The following FBRSL1 variants were observed in gnomAD, a reference collection of about 807,000 sequenced individuals.
FBRSL1 encodes fibrosin like 1, also known as fibrosin-1-like protein.
Under a neutral mutation model 89.6 loss-of-function variants are expected in FBRSL1, and 51 were observed. That is an observed-to-expected ratio of 0.57 (90% CI 0.45 to 0.72). The LOEUF (loss-of-function observed/expected upper bound fraction) is 0.72, where lower values mean the gene tolerates loss of function less well. Ranked by LOEUF, FBRSL1 falls within the 30% of genes least tolerant of loss-of-function variation. The pLI is 0.00. For synonymous variants in FBRSL1, 779 were observed against 681.1 expected, an observed-to-expected ratio of 1.14 and a Z score of -2.24; for missense variants, 1,618 against 1,451.8, an observed-to-expected ratio of 1.11 and a Z score of -1.86.
intron 1 of FBRSL1, among the ~76,000 whole-genome samples, chr12:132,494,984 C>T (rs1442556304): frequency 2.0e-5 from 3 of 152,232 alleles, no homozygotes; most frequent in African/African-American, 7.2e-5. Flanking sequence ...GGCCCCCGGC[C>T]TCCCAGGGCT....
intron 16 of FBRSL1, 110 bp downstream of exon 16, chr12:132,581,626 G>C: frequency 6.7e-7 from 1 of 1,484,120 alleles, no homozygotes; most frequent in Admixed American, 2.0e-5. Context: ...GAGCCCCTTG[G>C]GTCATGCAGG....
Position 132,584,030 on chromosome 12 carries a change from T to C in FBRSL1, c.*252T>C, listed in dbSNP as rs2040980529. The stretch of plus-strand genomic sequence containing the variant: ...CCCCACAGATGAGAAGTGTTTGTAA[T>C]GGATTTGTATTTTTCTTAATTTTAT... On this transcript the variant is annotated 3_prime_UTR_variant, in exon 19 of 19. Coordinates refer to ENST00000680143, the MANE Select transcript of FBRSL1 (RefSeq NM_001367871.1). 4.7e-6 allele frequency: 1 copy of C among 212,624 alleles called. No homozygotes were observed. Among genetic ancestry groups the C allele is most frequent in the Admixed American group, 5.9e-5 (1 of 16,914 alleles). 13.2% of individuals were successfully genotyped at this position (212,624 alleles called of 1,614,324 possible).
At chr12:132,501,865 T>C (rs2033013565) in intron 1 of FBRSL1, among the ~76,000 whole-genome samples, 2 of 152,218 alleles carry the variant, frequency 1.3e-5, no homozygotes, top group Non-Finnish European at 2.9e-5. Flanking sequence ...ACTGCCCAGA[T>C]CTCTGCTCAC....
chr12:132,554,092 G>A (rs2038416021), intron 5 of FBRSL1: 7 of 152,260 alleles, frequency 4.6e-5, no homozygotes, highest in Admixed American at 4.6e-4. Flanking sequence ...TCCAGAGAAG[G>A]GGCTCAGAGC....
At position 132,490,852 on chromosome 12, in the gene FBRSL1, G is replaced by T; in HGVS notation, c.282G>T (p.Glu94Asp). 7.1e-7 allele frequency: 1 copy of T among 1,411,134 alleles called. No homozygotes were observed. 87.4% of individuals were successfully genotyped at this position (1,411,134 alleles called of 1,614,324 possible). ...GFAIASFSTLEALEKDMALKP... is the reference protein window; with the variant it reads ...GFAIASFSTLDALEKDMALKP... Reference sequence around the variant, plus strand: ...CCATCGCCAGCTTCAGCACCCTGGAGGCCCTGGAGGTAGGTGGACGGGTGC... The same window carrying T: ...CCATCGCCAGCTTCAGCACCCTGGATGCCCTGGAGGTAGGTGGACGGGTGC... The change falls in exon 1 of 19, where the codon GAG becomes GAT. Residue 94 changes from glutamate to aspartate, a missense_variant. Transcript: ENST00000680143.
chr12:132,507,886 CT>C (rs1432470785), intron 1 of FBRSL1, among the ~76,000 whole-genome samples: 1 of 152,106 alleles, frequency 6.6e-6, no homozygotes, highest in Non-Finnish European at 1.5e-5. Context: ...TTACTGGAGA[CT>C]CCCTGCTGGA....
intron 5 of FBRSL1, among the ~76,000 whole-genome samples, chr12:132,560,632 C>G (rs1424680340): frequency 1.3e-5 from 2 of 152,164 alleles, no homozygotes; most frequent in Non-Finnish European, 2.9e-5. Flanking sequence ...CGTGTCTGGC[C>G]GAGGCTGCTC....
chr12:132,531,003 G>T (rs1270178289), intron 4 of FBRSL1, among the ~76,000 whole-genome samples: 5 of 150,512 alleles, frequency 3.3e-5, no homozygotes, highest in East Asian at 2.0e-4. Flanking sequence ...GTGGGGGGGG[G>T]GGTGCAGGTG....
intron 15 of FBRSL1, among the ~76,000 whole-genome samples, chr12:132,577,394 G>A (rs375972797): frequency 4.6e-5 from 7 of 152,306 alleles, no homozygotes; most frequent in African/African-American, 1.7e-4. Context: ...GGAGGAGTTT[G>A]GCCTCTCGCT....
chr12:132,522,055 G>A (rs1385452671), intron 2 of FBRSL1, among the ~76,000 whole-genome samples: 1 of 152,048 alleles, frequency 6.6e-6, no homozygotes. Flanking sequence ...GCCTGCCGGC[G>A]CCTGTGGGTC....
intron 5 of FBRSL1, among the ~76,000 whole-genome samples, chr12:132,566,888 C>T (rs370541288): frequency 3.3e-5 from 5 of 152,188 alleles, no homozygotes; most frequent in Admixed American, 1.3e-4. Flanking sequence ...GCACATAGCG[C>T]GGTGTCCTGT....
At chr12:132,581,691 G>A (rs1279552968) in intron 16 of FBRSL1, 50 bp from the exon 17 acceptor site, 1 of 1,536,176 alleles carries the variant, frequency 6.5e-7, no homozygotes, top group Admixed American at 2.0e-5. Context: ...CCAGGTGGGA[G>A]CCGCAGCCCA....
intron 1 of FBRSL1, among the ~76,000 whole-genome samples, chr12:132,507,925 G>T (rs2033880980): frequency 6.6e-6 from 1 of 152,090 alleles, no homozygotes; most frequent in Non-Finnish European, 1.5e-5. Flanking sequence ...TGGCCCCTTC[G>T]ATGGCTGAGC....
rs774589682 is a variant in FBRSL1, at chr12:132,576,916, C to G, written c.1819C>G (p.Leu607Val). The change falls in exon 15 of 19, where the codon CTC becomes GTC. Residue 607 changes from leucine to valine, a missense_variant. Physicochemically the swap from Leu to Val is conservative, Grantham distance 32 (BLOSUM62 1). Coordinates refer to ENST00000680143, the MANE Select transcript of FBRSL1 (RefSeq NM_001367871.1). ...CTACCCACAGGACCTGGCCCGGCCC[C>G]TCTTCCCCAGCACAGGTGAGACTGG... The part of the protein sequence containing the change: ...FHYPQDLARP[L>V]FPSTGAAHPA... 10 of 1,549,866 alleles carry G rather than the reference C, an allele frequency of 6.5e-6. No individual in the cohort carries two copies. In the South Asian group the frequency reaches 1.2e-4, roughly 18 times the overall value.
chr12:132,560,055 A>G (rs1230489554), intron 5 of FBRSL1: 1 of 150,796 alleles, frequency 6.6e-6, no homozygotes, highest in East Asian at 1.9e-4. Context: ...CAGAGCGCGC[A>G]GAGCCGGCGC....
intron 2 of FBRSL1, chr12:132,509,447 C>T (rs1334503738): frequency 8.1e-7 from 1 of 1,239,696 alleles, no homozygotes; most frequent in African/African-American, 1.6e-5. Flanking sequence ...CCCAGCGGCT[C>T]CTTCCATCCC....
At chr12:132,507,389 G>T in intron 1 of FBRSL1, 2 of 985,530 alleles carry the variant, frequency 2.0e-6, no homozygotes, top group Non-Finnish European at 2.4e-6. Flanking sequence ...CATACAGAAG[G>T]TGCTTACTAG....
rs1344309292 is a variant in FBRSL1, at chr12:132,582,296, CCA to C, written c.2201+36_2201+37del. On this transcript the variant is annotated intron_variant, in intron 18 of 18. Transcript: ENST00000680143. ...GTGGCCCTCTTGTTCCGTATCCCCA[CCA>C]CACACCCCTACCCCGTTCTTTCCCC... is the stretch of plus-strand genomic sequence containing the variant. 2.6e-6 allele frequency: 4 copies of C among 1,533,688 alleles called. No homozygotes were observed. The South Asian group carries it at 4.8e-5, about 18-fold the overall frequency.
At position 132,490,494 on chromosome 12, in the gene FBRSL1, T is replaced by A. The variant is rs2030650752; in HGVS notation, c.-77T>A. On this transcript the variant is annotated 5_prime_UTR_variant, in exon 1 of 19. It removes the in-frame stop codon of an upstream open reading frame in the 5' UTR. Transcript: ENST00000680143. Reference sequence around the variant, plus strand: ...GCACACTCAGCCCGGCGGCGCCGCGTAGCCGAGGGAGCCCGCCTGCTGCGA... The same window carrying A: ...GCACACTCAGCCCGGCGGCGCCGCGAAGCCGAGGGAGCCCGCCTGCTGCGA... 1.1e-6 allele frequency: 1 copy of A among 930,676 alleles called. No homozygotes were observed. The highest frequency in any genetic ancestry group is 1.3e-6 in the Non-Finnish European group (1 of 785,262). The allele number at this position is 930,676 out of a possible 1,614,324, so 57.7% of individuals were successfully genotyped here.
Sources: allele counts gnomAD v4.1 joint callset (sites outside exome capture counted in the v4.1 genomes callset), GRCh38; gene constraint gnomAD v4.1.1; transcripts MANE v1.5; gene names NCBI Gene and HGNC (gene_info 2026-07-23, HGNC 2026-07-21).